NOL4: variants seen among roughly 807,000 people sequenced by gnomAD.
The protein encoded by NOL4 is nucleolar protein 4, also known as cancer/testis antigen 125.
In NOL4, 17 loss-of-function variants were observed where a neutral mutation model predicts 75.9. The observed-to-expected ratio is 0.22, with a 90% CI of 0.15 to 0.34. The LOEUF (loss-of-function observed/expected upper bound fraction) is 0.34, where lower values mean the gene tolerates loss of function less well. Ranked by LOEUF, NOL4 falls within the 10% of genes least tolerant of loss-of-function variation. The probability of loss-of-function intolerance (pLI) is 1.00; values close to 1 mark genes in which losing one functional copy is unlikely to be tolerated. For missense variants in NOL4, 614 were observed against 793.5 expected, an observed-to-expected ratio of 0.77 and a Z score of 2.72; for synonymous variants, 292 against 289.9, an observed-to-expected ratio of 1.01 and a Z score of -0.07.
chr18:34,193,378 T>A (rs1220410429), intron 1 of NOL4, among the ~76,000 whole-genome samples: 1 of 152,018 alleles, frequency 6.6e-6, no homozygotes, highest in Non-Finnish European at 1.5e-5. Context: ...GGGGTTAATA[T>A]CCAAAATATA....
intron 5 of NOL4, among the ~76,000 whole-genome samples, chr18:34,087,528 TC>T (rs2078296989): frequency 1.3e-5 from 2 of 152,202 alleles, no homozygotes; most frequent in African/African-American, 4.8e-5. Flanking sequence ...GCTTGAACCA[TC>T]AGTTCAAATC....
chr18:34,018,781 T>C (rs2074857227), intron 6 of NOL4, among the ~76,000 whole-genome samples: 1 of 152,234 alleles, frequency 6.6e-6, no homozygotes, highest in Admixed American at 6.5e-5. Context: ...ATATAATTTA[T>C]GATAAATCAT....
intron 5 of NOL4, among the ~76,000 whole-genome samples, chr18:34,083,615 T>C (rs888472552): frequency 6.6e-6 from 1 of 152,186 alleles, no homozygotes; most frequent in African/African-American, 2.4e-5. Context: ...TTTACAAATA[T>C]AGAAAAGGTT....
rs184339706 is a variant in NOL4, at chr18:33,903,874, A to G, written c.1543-20450T>C. Among the ~76,000 whole-genome samples the G allele has an allele frequency of 2.0e-5, 3 of 152,292 alleles. No individual in the cohort carries two copies. In the East Asian group the frequency reaches 5.8e-4, roughly 29 times the overall value. On this transcript the variant is annotated intron_variant, in intron 9 of 10. Coordinates refer to ENST00000261592, the MANE Select transcript of NOL4 (RefSeq NM_003787.5). ...CTGCAAACATACTGCTGTTAAAGTT[A>G]TACAAAATCAACCACCCTCCCTCTA...
chr18:34,057,997 A>T (rs928455548), intron 5 of NOL4, among the ~76,000 whole-genome samples: 4 of 152,010 alleles, frequency 2.6e-5, no homozygotes, highest in African/African-American at 7.3e-5. Flanking sequence ...TTTCTCATAA[A>T]TGTCATTTCT....
chr18:34,085,831 G>T (rs1016514275), intron 5 of NOL4, among the ~76,000 whole-genome samples: 1 of 152,026 alleles, frequency 6.6e-6, no homozygotes, highest in African/African-American at 2.4e-5. Context: ...TTTGGAAACA[G>T]AGAATTACTG....
intron 1 of NOL4, among the ~76,000 whole-genome samples, chr18:34,198,634 C>A (rs1446824176): frequency 6.6e-6 from 1 of 151,722 alleles, no homozygotes; most frequent in Non-Finnish European, 1.5e-5. Flanking sequence ...TTCTTGGGAA[C>A]AATGTGGATG....
At chr18:33,889,908 A>G (rs1479035142) in intron 9 of NOL4, among the ~76,000 whole-genome samples, 2 of 152,102 alleles carry the variant, frequency 1.3e-5, no homozygotes, top group Admixed American at 6.6e-5. Context: ...AGAGATATTT[A>G]TGATGACCCA....
chr18:33,964,030 T>C (rs1002016096), intron 6 of NOL4, among the ~76,000 whole-genome samples: 12 of 152,290 alleles, frequency 7.9e-5, no homozygotes, highest in South Asian at 4.1e-4. Context: ...CAGGTGTCTA[T>C]GCTTTCACGT....
chr18:34,166,901 G>A lies in NOL4; in HGVS notation c.265-36881C>T, dbSNP rs537846046. The stretch of plus-strand genomic sequence containing the variant: ...AAAATACAAAAAATTAGCCGGGCGC[G>A]GTGGCAGGCGCCTGTAGTCCCAGCT... On this transcript the variant is annotated intron_variant, in intron 1 of 10. Coordinates refer to ENST00000261592, the MANE Select transcript of NOL4 (RefSeq NM_003787.5). 1.1e-3 allele frequency among the ~76,000 whole-genome samples: 108 copies of A among 97,486 alleles called. 25 individuals carry two copies. The highest frequency in any genetic ancestry group is 4.0e-3 in the African/African-American group (108 of 26,800). 64.0% of individuals were successfully genotyped at this position (97,486 alleles called of 152,430 possible).
At chr18:34,034,488 C>A (rs1017314274) in intron 5 of NOL4, among the ~76,000 whole-genome samples, 2 of 152,148 alleles carry the variant, frequency 1.3e-5, no homozygotes, top group African/African-American at 2.4e-5. Context: ...CCTGTCATCC[C>A]AGCACTTTGG....
In NOL4 at chr18:34,223,974, G is replaced by T. The variant is rs920449701; in HGVS notation, c.-721C>A. ...TTTTATCAAGATATTTTTTAAAACG[G>T]TTTAAAATGTCATTTCTTCAGATGC... On this transcript the variant is annotated 5_prime_UTR_variant, in exon 1 of 11. Transcript: ENST00000261592. 2.6e-5 allele frequency: 4 copies of T among 152,228 alleles called. No homozygotes were observed. Among genetic ancestry groups the T allele is most frequent in the Non-Finnish European group, 4.4e-5 (3 of 68,042 alleles). The allele number at this position is 152,228 out of a possible 1,614,324, so 9.4% of individuals were successfully genotyped here. A position where few individuals can be genotyped will look rare whatever the true frequency, so the allele number is the denominator to read the frequency against.
intron 2 of NOL4, among the ~76,000 whole-genome samples, chr18:34,111,714 G>C (rs1037912740): frequency 2.6e-5 from 4 of 152,000 alleles, no homozygotes; most frequent in African/African-American, 9.7e-5. Context: ...ACATACAAAT[G>C]GCTAACAGGT....
At chr18:34,083,442 T>G (rs1459766453) in intron 5 of NOL4, among the ~76,000 whole-genome samples, 2 of 152,154 alleles carry the variant, frequency 1.3e-5, no homozygotes, top group Admixed American at 6.5e-5. Flanking sequence ...TTGCTTTTAA[T>G]TCCTTTCTCT....
At chr18:34,136,426 G>A (rs1042824073) in intron 1 of NOL4, among the ~76,000 whole-genome samples, 3 of 152,022 alleles carry the variant, frequency 2.0e-5, no homozygotes, top group Non-Finnish European at 4.4e-5. Flanking sequence ...TGTGTGTCAC[G>A]AATGACATGA....
chr18:34,181,740 CTAAG>C (rs1279514671), intron 1 of NOL4, among the ~76,000 whole-genome samples: 2 of 151,240 alleles, frequency 1.3e-5, no homozygotes, highest in African/African-American at 4.8e-5. Context: ...TTGAAGTGGG[CTAAG>C]TGTTTGAATA....
intron 10 of NOL4, among the ~76,000 whole-genome samples, chr18:33,862,089 A>G (rs555204226): frequency 1.0e-3 from 154 of 152,320 alleles, no homozygotes; most frequent in African/African-American, 3.5e-3. Context: ...TCAATGGAAC[A>G]GAACAGAGCC....
chr18:33,872,608 A>T (rs2063752298), intron 10 of NOL4, among the ~76,000 whole-genome samples: 1 of 151,980 alleles, frequency 6.6e-6, no homozygotes, highest in African/African-American at 2.4e-5. Context: ...TTGAGTTTGG[A>T]ATCAGTACTG....
intron 5 of NOL4, among the ~76,000 whole-genome samples, chr18:34,035,725 T>C (rs1472036417): frequency 1.3e-5 from 2 of 151,052 alleles, no homozygotes; most frequent in Non-Finnish European, 3.0e-5. Context: ...AAACTAATAA[T>C]TATTAGACTA....
Sources: gnomAD v4.1 joint callset for allele counts (sites outside exome capture counted in the v4.1 genomes callset) on GRCh38, gnomAD v4.1.1 for gene constraint, MANE v1.5 for transcripts, NCBI Gene and HGNC (gene_info 2026-07-23, HGNC 2026-07-21) for gene names.